RAP1A: variants seen among roughly 807,000 people sequenced by gnomAD.
RAP1A encodes the protein RAP1A, member of RAS oncogene family.
RAP1A carries 6 observed loss-of-function variants against 26.4 expected under a neutral mutation model. The ratio of observed to expected loss-of-function variants is 0.23; its 90% CI spans 0.12 to 0.45. The LOEUF is 0.45. Among genes scored for constraint, RAP1A ranks in the 20% least tolerant of loss-of-function variants. The probability of loss-of-function intolerance (pLI) is 0.99; values close to 1 mark genes in which losing one functional copy is unlikely to be tolerated. For synonymous variants in RAP1A, 73 were observed against 79.4 expected (o/e 0.92, Z 0.43); for missense variants, 121 against 217.2 (o/e 0.56, Z 2.78).
At chr1:111,701,949 A>G (rs1275951419) in intron 4 of RAP1A, among the ~76,000 whole-genome samples, 1 of 152,230 alleles carries the variant, frequency 6.6e-6, no homozygotes, top group Non-Finnish European at 1.5e-5. Context: ...CATCTTTCCC[A>G]GAAAATACAC....
rs1008735444 is a variant in RAP1A, at chr1:111,649,670, G to T, written c.-28+29736G>T. On this transcript the variant is annotated intron_variant, in intron 1 of 7. Coordinates refer to ENST00000369709, the MANE Select transcript of RAP1A (RefSeq NM_002884.4). Reference sequence around the variant, plus strand: ...TGTTGATAATCAAAACTTTATTACTGATTCTGACTTGATTTTTGAGGTTTG... The same window carrying T: ...TGTTGATAATCAAAACTTTATTACTTATTCTGACTTGATTTTTGAGGTTTG... The T allele has an allele frequency of 4.5e-5, 7 of 156,964 alleles. No homozygotes were observed. The Admixed American group carries it at 4.5e-4, about 10-fold the overall frequency. The allele number at this position is 156,964 out of a possible 1,614,324, so 9.7% of individuals were successfully genotyped here.
intron 1 of RAP1A, among the ~76,000 whole-genome samples, chr1:111,688,074 G>C (rs1571561760): frequency 7.4e-6 from 1 of 134,538 alleles, no homozygotes; most frequent in Non-Finnish European, 1.6e-5. Context: ...TTAAATGTAT[G>C]CTGGTGAACT....
rs77419755 is a variant in RAP1A, at chr1:111,570,724, G to A, written c.-28+28215G>A. Among the ~76,000 whole-genome samples, 943 of 152,278 alleles carry A rather than the reference G, an allele frequency of 6.2e-3. 32 individuals carry two copies. Among genetic ancestry groups the A allele is most frequent in the East Asian group, 0.038 (199 of 5,184 alleles). On this transcript the variant is annotated intron_variant, in intron 1 of 7. Transcript: ENST00000356415. ...AGAAGGTCAAAGGGGAAGCAAACATGTATGAAGAGAGAATAGCCTGAGGGA... is the reference window on the plus strand; with the variant it reads ...AGAAGGTCAAAGGGGAAGCAAACATATATGAAGAGAGAATAGCCTGAGGGA...
In RAP1A at chr1:111,619,900, G is replaced by A; in HGVS notation, c.-62G>A. The A allele has an allele frequency of 2.5e-6, 1 of 399,174 alleles. No individual in the cohort carries two copies. Among genetic ancestry groups the A allele is most frequent in the Non-Finnish European group, 4.4e-6 (1 of 226,636 alleles). The allele number at this position is 399,174 out of a possible 1,614,324, so 24.7% of individuals were successfully genotyped here. A position where few individuals can be genotyped will look rare whatever the true frequency, so the allele number is the denominator to read the frequency against. On this transcript the variant is annotated 5_prime_UTR_variant, in exon 1 of 8. Transcript: ENST00000369709. ...AGGAGGAGGAGGAGGAGGTGGAGGA[G>A]GTGGAGGAGGTGGAGGAGGCGCCGG...
At chr1:111,576,637 G>C (rs1282347571) in intron 1 of RAP1A, among the ~76,000 whole-genome samples, 1 of 152,208 alleles carries the variant, frequency 6.6e-6, no homozygotes, top group Non-Finnish European at 1.5e-5. Flanking sequence ...TCCTCTGGAA[G>C]GGTGAGGGGA....
chr1:111,690,196 A>T (rs147508887), intron 1 of RAP1A, among the ~76,000 whole-genome samples: 13 of 152,254 alleles, frequency 8.5e-5, no homozygotes, highest in African/African-American at 3.1e-4. Flanking sequence ...CATTTACTCT[A>T]GAGCTTATTT....
chr1:111,670,451 G>GT (rs1374085466), intron 1 of RAP1A, among the ~76,000 whole-genome samples: 5 of 152,004 alleles, frequency 3.3e-5, no homozygotes, highest in African/African-American at 7.3e-5. Context: ...TCCAGCCTGG[G>GT]TGACAGAGTT....
At chr1:111,646,080 A>G (rs1251284168) in intron 1 of RAP1A, among the ~76,000 whole-genome samples, 1 of 152,238 alleles carries the variant, frequency 6.6e-6, no homozygotes, top group African/African-American at 2.4e-5. Flanking sequence ...TTAATGAGTC[A>G]TATTTGCACT....
intron 1 of RAP1A, among the ~76,000 whole-genome samples, chr1:111,622,375 C>G (rs1002773240): frequency 6.6e-6 from 1 of 151,824 alleles, no homozygotes; most frequent in Non-Finnish European, 1.5e-5. Flanking sequence ...TTACTGTACT[C>G]CAGCCACACT....
intron 1 of RAP1A, among the ~76,000 whole-genome samples, chr1:111,673,617 C>T (rs1661040252): frequency 1.3e-5 from 2 of 152,110 alleles, no homozygotes; most frequent in South Asian, 4.1e-4. Flanking sequence ...AATGTTTATT[C>T]CTGTCTTCCA....
At chr1:111,619,767 T>A (rs1013397198), upstream of RAP1A, 10 of 395,898 alleles carry the variant, frequency 2.5e-5, no homozygotes, top group Non-Finnish European at 4.0e-5. Flanking sequence ...GGTGCGTGCG[T>A]GCGCGTTCTG....
chr1:111,648,489 C>T (rs536368483), intron 1 of RAP1A: 19 of 550,546 alleles, frequency 3.5e-5, no homozygotes, highest in South Asian at 2.3e-4. Flanking sequence ...AGCAGGGCCT[C>T]GTACTCACTC....
chr1:111,673,627 A>G (rs1278040609), intron 1 of RAP1A, among the ~76,000 whole-genome samples: 1 of 152,196 alleles, frequency 6.6e-6, no homozygotes, highest in South Asian at 2.1e-4. Context: ...CCTGTCTTCC[A>G]TATTTGTCAG....
At chr1:111,588,420 T>G (rs1266773664) in intron 1 of RAP1A, among the ~76,000 whole-genome samples, 1 of 152,160 alleles carries the variant, frequency 6.6e-6, no homozygotes, top group Non-Finnish European at 1.5e-5. Context: ...CAGATCATGT[T>G]TTTTCCCTGT....
chr1:111,564,033 G>C (rs916106160), intron 1 of RAP1A: 1 of 1,023,874 alleles, frequency 9.8e-7, no homozygotes, highest in Non-Finnish European at 1.5e-6. Context: ...TCTGCCATTA[G>C]AGAACCAGGA....
intron 1 of RAP1A, chr1:111,686,816 T>G (rs1317193994): frequency 1.3e-5 from 2 of 151,440 alleles, no homozygotes; most frequent in Non-Finnish European, 2.9e-5. Flanking sequence ...TAATCCAGGG[T>G]TCCCAATACT....
At chr1:111,688,299 G>GTGTGTATGTGTA (rs149961847) in intron 1 of RAP1A, among the ~76,000 whole-genome samples, 6,140 of 140,520 alleles carry the variant, frequency 0.044, 157 homozygotes, top group Non-Finnish European at 0.05. Flanking sequence ...GTGTGTGTGT[G>GTGTGTATGTGTA]TATATATATT....
chr1:111,648,213 T>A (rs1660140228), intron 1 of RAP1A: 1 of 447,308 alleles, frequency 2.2e-6, no homozygotes, highest in East Asian at 5.1e-5. Flanking sequence ...GTATTTTTTT[T>A]TTTTTGACTT....
At chr1:111,602,566 C>CCCA (rs1424516052) in intron 1 of RAP1A, among the ~76,000 whole-genome samples, 1 of 152,042 alleles carries the variant, frequency 6.6e-6, no homozygotes, top group African/African-American at 2.4e-5. Flanking sequence ...TTATTTTTCT[C>CCCA]CCACTTTTCT....
Sources: allele counts gnomAD v4.1 joint callset (sites outside exome capture counted in the v4.1 genomes callset), GRCh38; gene constraint gnomAD v4.1.1; transcripts MANE v1.5; gene names NCBI Gene and HGNC (gene_info 2026-07-23, HGNC 2026-07-21).